Variants in GJB6 observed in about 807,000 individuals in gnomAD.
GJB6 encodes gap junction protein beta 6, also known as gap junction beta-6 protein.
A neutral mutation model predicts 5.4 loss-of-function variants in GJB6; 5 were observed. That is an observed-to-expected ratio of 0.92 (90% CI 0.48 to 1.93). The LOEUF (loss-of-function observed/expected upper bound fraction) is 1.93, where lower values mean the gene tolerates loss of function less well. Among genes scored for constraint, GJB6 ranks in the 30% most tolerant of loss-of-function variants. The pLI is 0.01. For synonymous variants in GJB6, 136 were observed against 129.6 expected (o/e 1.05, Z -0.34); for missense variants, 298 against 326.9 (o/e 0.91, Z 0.68).
chr13:20,228,675 G>C (rs1459486698), intron 4 of GJB6, among the ~76,000 whole-genome samples: 2 of 111,532 alleles, frequency 1.8e-5, no homozygotes, highest in African/African-American at 2.7e-5. Flanking sequence ...TAGTAGAGAC[G>C]GGGTTTCACC....
intron 3 of GJB6, among the ~76,000 whole-genome samples, chr13:20,230,404 T>C (rs184941072): frequency 6.6e-6 from 1 of 152,364 alleles, no homozygotes; most frequent in Non-Finnish European, 1.5e-5. Context: ...AAACTTTCCT[T>C]CTCTGGGTCT....
intron 4 of GJB6, among the ~76,000 whole-genome samples, chr13:20,226,230 G>A (rs937346998): frequency 6.6e-6 from 1 of 151,756 alleles, no homozygotes; most frequent in Non-Finnish European, 1.5e-5. Flanking sequence ...ATGCCTGCGT[G>A]GATCTAGGAC....
chr13:20,225,371 G>A (rs1869507828), intron 4 of GJB6: 1 of 152,244 alleles, frequency 6.6e-6, no homozygotes, highest in Admixed American at 6.5e-5. Flanking sequence ...CCTTATTTTG[G>A]AGGCTGAATA....
In GJB6 at chr13:20,223,307, C is replaced by A. The variant is rs1309757111; in HGVS notation, c.174G>T (p.Pro58=). Residue 58 remains proline, a synonymous_variant, in exon 5 of 5, where the codon CCG becomes CCT. Coordinates refer to ENST00000647029, the MANE Select transcript of GJB6 (RefSeq NM_001110219.3). The stretch of plus-strand genomic sequence containing the variant: ...GGTCATAGCACACATTTTTGCATCC[C>A]GGTTGCAGTGTGTTGCAGACGAAGT... ...QEDFVCNTLQ[P]GCKNVCYDHF... is the part of the protein sequence containing the mutation. 1.2e-6 allele frequency: 2 copies of A among 1,614,122 alleles called. No homozygotes were observed. Among genetic ancestry groups the A allele is most frequent in the African/African-American group, 2.7e-5 (2 of 75,036 alleles).
chr13:20,231,776 C>A (rs1048429787), intron 1 of GJB6, among the ~76,000 whole-genome samples: 1 of 152,242 alleles, frequency 6.6e-6, no homozygotes, highest in Non-Finnish European at 1.5e-5. Context: ...GGGCACCGGC[C>A]CTCACTCTGG....
At chr13:20,223,566 A>G (rs1010243673) in intron 4 of GJB6, 71 bp from the exon 5 acceptor site, 3 of 1,174,036 alleles carry the variant, frequency 2.6e-6, no homozygotes, top group Non-Finnish European at 1.3e-6. Context: ...GTGATATTAC[A>G]GACTGAAGCC....
chr13:20,226,418 C>T (rs1029169209), intron 4 of GJB6, among the ~76,000 whole-genome samples: 13 of 152,122 alleles, frequency 8.5e-5, no homozygotes, highest in African/African-American at 2.9e-4. Context: ...CTCTGGAAGC[C>T]CTGGTCCCAG....
intron 4 of GJB6, among the ~76,000 whole-genome samples, chr13:20,227,278 C>T (rs141336984): frequency 5.9e-5 from 9 of 152,234 alleles, no homozygotes; most frequent in South Asian, 2.1e-4. Flanking sequence ...TTTCACAATG[C>T]GCGCTTCTCG....
chr13:20,230,616 A>G (rs984992550), intron 3 of GJB6, 82 bp downstream of exon 3: 1 of 152,246 alleles, frequency 6.6e-6, no homozygotes, highest in Non-Finnish European at 1.5e-5. Context: ...TCACAGACCA[A>G]GAAGCTTGGG....
intron 2 of GJB6, 64 bp downstream of exon 2, chr13:20,231,318 C>A (rs922957195): frequency 6.6e-6 from 1 of 152,248 alleles, no homozygotes; most frequent in Non-Finnish European, 1.5e-5. Context: ...GGGCCAGTGT[C>A]CCCGCCTGGT....
intron 4 of GJB6, among the ~76,000 whole-genome samples, chr13:20,228,548 A>G (rs1191929986): frequency 6.6e-6 from 1 of 150,486 alleles, no homozygotes; most frequent in Non-Finnish European, 1.5e-5. Context: ...CCGTGGCACG[A>G]TCTCGGCTCA....
At chr13:20,223,570 T>A in intron 4 of GJB6, 75 bp from the exon 5 acceptor site, 1 of 1,111,206 alleles carries the variant, frequency 9.0e-7, no homozygotes, top group Non-Finnish European at 1.4e-6. Flanking sequence ...TATTACAGAC[T>A]GAAGCCAACT....
chr13:20,228,580 T>C, intron 4 of GJB6, among the ~76,000 whole-genome samples: 1 of 150,496 alleles, frequency 6.6e-6, no homozygotes, highest in Non-Finnish European at 1.5e-5. Context: ...GCCTCCCGGG[T>C]TCACGCCGTT....
chr13:20,228,687 T>C (rs1402116190), intron 4 of GJB6, among the ~76,000 whole-genome samples: 7 of 35,790 alleles, frequency 2.0e-4, no homozygotes, highest in Non-Finnish European at 6.3e-4. Context: ...GGTTTCACCG[T>C]GTTAGCCAGG....
intron 1 of GJB6, chr13:20,231,982 G>A (rs577769591): frequency 1.3e-5 from 2 of 152,420 alleles, no homozygotes; most frequent in African/African-American, 4.8e-5. Context: ...GGCAGATCGG[G>A]GGCCCGGTCG....
Position 20,222,727 on chromosome 13 carries a change from CACT to C in GJB6, c.751_753del (p.Ser251del). ...GGGAAACCTGTGATTGCATTTTGACCACTATCTGAAATCAGCTCATTCATTTCA... is the reference window on the plus strand; with the variant it reads ...GGGAAACCTGTGATTGCATTTTGACCATCTGAAATCAGCTCATTCATTTCA... On this transcript the variant is annotated inframe_deletion, in exon 5 of 5. Transcript: ENST00000647029. 6.2e-7 allele frequency: 1 copy of C among 1,614,118 alleles called. No homozygotes were observed. The highest frequency in any genetic ancestry group is 8.5e-7 in the Non-Finnish European group (1 of 1,179,986).
Position 20,222,142 on chromosome 13 carries a change from T to A in GJB6, c.*553A>T, listed in dbSNP as rs1053465575. 1.3e-5 allele frequency: 2 copies of A among 158,306 alleles called. No homozygotes were observed. The highest frequency in any genetic ancestry group is 4.8e-5 in the African/African-American group (2 of 41,482). The allele number at this position is 158,306 out of a possible 1,614,324, so 9.8% of individuals were successfully genotyped here. A position where few individuals can be genotyped will look rare whatever the true frequency, so the allele number is the denominator to read the frequency against. On this transcript the variant is annotated 3_prime_UTR_variant, in exon 5 of 5. Coordinates refer to ENST00000647029, the MANE Select transcript of GJB6 (RefSeq NM_001110219.3). ...AACACTTTCCACCTTAAGCGTATCATGACAGTTCACAAATTTGCCAACAGA... is the reference window on the plus strand; with the variant it reads ...AACACTTTCCACCTTAAGCGTATCAAGACAGTTCACAAATTTGCCAACAGA...
chr13:20,226,932 A>G (rs1445222938), intron 4 of GJB6, among the ~76,000 whole-genome samples: 2 of 152,186 alleles, frequency 1.3e-5, no homozygotes, highest in African/African-American at 4.8e-5. Context: ...GCCTGCCTGA[A>G]CAACGGCACC....
At chr13:20,228,678 G>T (rs1381902440) in intron 4 of GJB6, among the ~76,000 whole-genome samples, 1 of 97,310 alleles carries the variant, frequency 1.0e-5, no homozygotes, top group Non-Finnish European at 2.5e-5. Flanking sequence ...TAGAGACGGG[G>T]TTTCACCGTG....
Sources: allele counts gnomAD v4.1 joint callset (sites outside exome capture counted in the v4.1 genomes callset), GRCh38; gene constraint gnomAD v4.1.1; transcripts MANE v1.5; gene names NCBI Gene and HGNC (gene_info 2026-07-23, HGNC 2026-07-21).